The following DYNC1I2 variants were observed in gnomAD, a reference collection of about 807,000 sequenced individuals.
The protein encoded by DYNC1I2 is cytoplasmic dynein 1 intermediate chain 2.
DYNC1I2 carries 53 observed loss-of-function variants against 88.6 expected under a neutral mutation model. The ratio of observed to expected loss-of-function variants is 0.60; its 90% CI spans 0.48 to 0.75. The LOEUF is 0.75. Among genes scored for constraint, DYNC1I2 ranks in the 30% least tolerant of loss-of-function variants. DYNC1I2 has a pLI of 0.00. For synonymous variants in DYNC1I2, 198 were observed against 254.6 expected (o/e 0.78, Z 2.12); for missense variants, 458 against 766.6 (o/e 0.60, Z 4.75).
At chr2:171,698,959 A>G (rs1685998268) in intron 3 of DYNC1I2, among the ~76,000 whole-genome samples, 1 of 150,250 alleles carries the variant, frequency 6.7e-6, no homozygotes, top group Admixed American at 6.7e-5. Flanking sequence ...TCAGCCTCCC[A>G]TAGTGTTAGG....
chr2:171,719,643 G>A (rs569821379), intron 7 of DYNC1I2, among the ~76,000 whole-genome samples: 7 of 152,286 alleles, frequency 4.6e-5, no homozygotes, highest in African/African-American at 1.4e-4. Flanking sequence ...AAAATTGGTC[G>A]TAGACTTAAC....
rs1453612676 is a variant in DYNC1I2 at position 171,743,945 on chromosome 2, TATC to T, written c.1537-101_1537-99del. Reference sequence around the variant, plus strand: ...GGCTGAGTTAAATATCATAAAATGTTATCATACCTGTTGAATGTATGTCATTTT... The same window carrying T: ...GGCTGAGTTAAATATCATAAAATGTTATACCTGTTGAATGTATGTCATTTT... On this transcript the variant is annotated intron_variant, in intron 15 of 17. Coordinates refer to ENST00000397119, the MANE Select transcript of DYNC1I2 (RefSeq NM_001378.3). 1.5e-5 allele frequency: 16 copies of T among 1,043,862 alleles called. No individual in the cohort carries two copies. The South Asian group carries it at 2.7e-4, about 18-fold the overall frequency. 64.7% of individuals were successfully genotyped at this position (1,043,862 alleles called of 1,614,324 possible).
intron 3 of DYNC1I2, among the ~76,000 whole-genome samples, chr2:171,697,949 C>A (rs1432479600): frequency 6.6e-6 from 1 of 152,134 alleles, no homozygotes; most frequent in African/African-American, 2.4e-5. Context: ...ATGTTGTGTC[C>A]TTCATATTGT....
intron 15 of DYNC1I2, among the ~76,000 whole-genome samples, chr2:171,731,959 T>TGATA (rs1381670440): frequency 6.6e-6 from 1 of 152,218 alleles, no homozygotes; most frequent in Non-Finnish European, 1.5e-5. Context: ...AACTGCCTGG[T>TGATA]GATAGGGTGT....
chr2:171,736,040 C>T (rs1199119377), intron 15 of DYNC1I2, among the ~76,000 whole-genome samples: 1 of 152,182 alleles, frequency 6.6e-6, no homozygotes, highest in Non-Finnish European at 1.5e-5. Context: ...TAGAACCCCT[C>T]CTTATATTAA....
At chr2:171,724,826 G>C (rs1378284902) in intron 7 of DYNC1I2, among the ~76,000 whole-genome samples, 3 of 152,132 alleles carry the variant, frequency 2.0e-5, no homozygotes, top group Admixed American at 6.5e-5. Flanking sequence ...AGGGTTATGT[G>C]TTCTATAACA....
chr2:171,700,580 C>T (rs1686172832), intron 3 of DYNC1I2, among the ~76,000 whole-genome samples: 1 of 152,132 alleles, frequency 6.6e-6, no homozygotes, highest in Non-Finnish European at 1.5e-5. Context: ...TAAAGACTGG[C>T]TTGTTTAATC....
intron 7 of DYNC1I2, among the ~76,000 whole-genome samples, chr2:171,716,290 C>T (rs778918649): frequency 6.6e-6 from 1 of 152,062 alleles, no homozygotes; most frequent in Non-Finnish European, 1.5e-5. Context: ...GGCAGCAAAA[C>T]ATATGAACAT....
At chr2:171,747,206 ATT>A (rs1491476835) in intron 17 of DYNC1I2, among the ~76,000 whole-genome samples, 1,327 of 68,608 alleles carry the variant, frequency 0.019, 23 homozygotes, top group African/African-American at 0.049. Flanking sequence ...AAAAAAAAAA[ATT>A]ATATATATAT....
rs558582974 is a variant in DYNC1I2, at chr2:171,690,749, G to C, written c.108+486G>C. ...ACTCACTGCAGCCTCAACCTCCCCTGACTCAGGTGATCCTTCCACTTCAGC... is the reference window on the plus strand; with the variant it reads ...ACTCACTGCAGCCTCAACCTCCCCTCACTCAGGTGATCCTTCCACTTCAGC... On this transcript the variant is annotated intron_variant, in intron 2 of 17. Transcript: ENST00000397119. Among the ~76,000 whole-genome samples the C allele has an allele frequency of 3.4e-5, 5 of 149,110 alleles. No individual in the cohort carries two copies. The East Asian group carries it at 5.9e-4, about 18-fold the overall frequency.
chr2:171,704,386 T>C (rs901981762), intron 3 of DYNC1I2, among the ~76,000 whole-genome samples: 1 of 150,840 alleles, frequency 6.6e-6, no homozygotes, highest in Admixed American at 6.6e-5. Flanking sequence ...AAGAAGAGAA[T>C]AGGTATCTGT....
At chr2:171,713,912 G>C (rs1359178288) in intron 6 of DYNC1I2, among the ~76,000 whole-genome samples, 1 of 152,040 alleles carries the variant, frequency 6.6e-6, no homozygotes, top group African/African-American at 2.4e-5. Context: ...GATAAGTGAG[G>C]TATTACTTCC....
intron 16 of DYNC1I2, among the ~76,000 whole-genome samples, chr2:171,745,230 C>T (rs1163439406): frequency 1.3e-5 from 2 of 152,088 alleles, no homozygotes; most frequent in African/African-American, 4.8e-5. Flanking sequence ...AGTCAGATTC[C>T]AGGGAGCTGG....
chr2:171,690,241 A>G lies in DYNC1I2; in HGVS notation c.86A>G (p.Glu29Gly). The change falls in exon 2 of 18, where the codon GAA becomes GGA. Residue 29 changes from glutamate to glycine, a missense_variant. Coordinates refer to ENST00000397119, the MANE Select transcript of DYNC1I2 (RefSeq NM_001378.3). ...AQIREEKKRK[E>G]EERKKKETDQ... ...ATCAGAGAGGAAAAGAAGAGAAAAG[A>G]AGAAGAAAGGAAAAAAAAAGAAGTA... 1 of 1,547,652 alleles carries G rather than the reference A, an allele frequency of 6.5e-7. No individual in the cohort carries two copies. The highest frequency in any genetic ancestry group is 8.7e-7 in the Non-Finnish European group (1 of 1,145,670).
chr2:171,703,729 C>CA (rs1380645551), intron 3 of DYNC1I2, among the ~76,000 whole-genome samples: 18 of 151,012 alleles, frequency 1.2e-4, no homozygotes, highest in African/African-American at 3.9e-4. Context: ...TTCAGAAGGT[C>CA]AAAAAAAAGT....
chr2:171,733,768 GTT>G (rs1301575309), intron 15 of DYNC1I2, among the ~76,000 whole-genome samples: 2 of 77,452 alleles, frequency 2.6e-5, no homozygotes, highest in Non-Finnish European at 5.6e-5. Context: ...GGGTTTTTTT[GTT>G]TTTGTTTTTT....
At chr2:171,726,437 A>G (rs766851656) in intron 10 of DYNC1I2, 144 bp downstream of exon 10, 185 of 632,128 alleles carry the variant, frequency 2.9e-4, no homozygotes, top group Admixed American at 5.6e-4. Flanking sequence ...ATGTTAACAT[A>G]CTCATCTTAT....
chr2:171,706,587 T>C, intron 4 of DYNC1I2, 23 bp downstream of exon 4: 1 of 1,609,148 alleles, frequency 6.2e-7, no homozygotes, highest in Non-Finnish European at 8.5e-7. Context: ...CCATAAGTCT[T>C]GCCTTGTTTA....
intron 15 of DYNC1I2, among the ~76,000 whole-genome samples, chr2:171,733,808 C>T (rs1688812099): frequency 6.6e-6 from 1 of 150,910 alleles, no homozygotes; most frequent in Non-Finnish European, 1.5e-5. Flanking sequence ...TAATTGGATC[C>T]CATTCGTCAA....
Sources: allele counts gnomAD v4.1 joint callset (sites outside exome capture counted in the v4.1 genomes callset), GRCh38; gene constraint gnomAD v4.1.1; transcripts MANE v1.5; gene names NCBI Gene and HGNC (gene_info 2026-07-23, HGNC 2026-07-21).